Variants in CACNA1I observed in about 807,000 individuals in gnomAD.
CACNA1I encodes the protein calcium voltage-gated channel subunit alpha1 I, also known as voltage-dependent T-type calcium channel subunit alpha-1I.
CACNA1I carries 74 observed loss-of-function variants against 201.6 expected under a neutral mutation model. The observed-to-expected ratio is 0.37, with a 90% CI of 0.30 to 0.45. The LOEUF (loss-of-function observed/expected upper bound fraction) is 0.45, where lower values mean the gene tolerates loss of function less well. CACNA1I is among the 20% of genes least tolerant of loss of function. The pLI, the probability that CACNA1I is intolerant of heterozygous loss-of-function variation, is 1.00. For synonymous variants in CACNA1I, 1,431 were observed against 1,345.2 expected, an observed-to-expected ratio of 1.06 and a Z score of -1.40; for missense variants, 2,346 against 3,138.1, an observed-to-expected ratio of 0.75 and a Z score of 6.03.
At chr22:39,623,290 T>C (rs1293769026) in intron 4 of CACNA1I, among the ~76,000 whole-genome samples, 3 of 152,032 alleles carry the variant, frequency 2.0e-5, no homozygotes, top group Non-Finnish European at 4.4e-5. Context: ...AGTATGTGCC[T>C]GTGAGGTGCG....
chr22:39,637,455 T>C (rs1443443075), intron 5 of CACNA1I, among the ~76,000 whole-genome samples: 2 of 151,958 alleles, frequency 1.3e-5, no homozygotes, highest in Non-Finnish European at 2.9e-5. Flanking sequence ...GGCGTGTGGG[T>C]TAGAAATCGG....
rs545909848 is a variant in CACNA1I, at chr22:39,663,648, C to T, written c.3474-70C>T. 237 of 1,588,866 alleles carry T rather than the reference C, an allele frequency of 1.5e-4. No individual in the cohort carries two copies. The African/African-American group carries it at 2.9e-3, about 20-fold the overall frequency. On this transcript the variant is annotated intron_variant, in intron 18 of 36. Transcript: ENST00000402142. Reference sequence around the variant, plus strand: ...AGCGTGGTCTGCACTGCTGCCTGGGCCCTCTGCCTTCCTTCTGGCCAGGGT... The same window carrying T: ...AGCGTGGTCTGCACTGCTGCCTGGGTCCTCTGCCTTCCTTCTGGCCAGGGT...
chr22:39,610,666 A>T (rs1441295478), intron 3 of CACNA1I, among the ~76,000 whole-genome samples: 1 of 152,166 alleles, frequency 6.6e-6, no homozygotes, highest in Admixed American at 6.5e-5. Context: ...CTGAAAAGCC[A>T]AGAGGTCTCC....
At chr22:39,572,172 G>C (rs2145794527) in intron 1 of CACNA1I, among the ~76,000 whole-genome samples, 1 of 152,258 alleles carries the variant, frequency 6.6e-6, no homozygotes, top group Non-Finnish European at 1.5e-5. Context: ...GCAGGGTCTG[G>C]AGAGATCTGT....
chr22:39,631,485 G>A lies in CACNA1I; in HGVS notation c.581-3080G>A, dbSNP rs1249871847. Among the ~76,000 whole-genome samples, 6 of 152,354 alleles carry A rather than the reference G, an allele frequency of 3.9e-5. No homozygotes were observed. In the East Asian group the frequency reaches 9.6e-4, roughly 24 times the overall value. On this transcript the variant is annotated intron_variant, in intron 4 of 36. Transcript: ENST00000402142. ...AAGCCCATCCTGACAGTGACTGAGC[G>A]CCTTGGGGCAATGAGAGGCAGGAGG... is the stretch of plus-strand genomic sequence containing the variant.
intron 4 of CACNA1I, among the ~76,000 whole-genome samples, chr22:39,627,379 C>T (rs951511763): frequency 3.9e-5 from 6 of 152,200 alleles, no homozygotes; most frequent in African/African-American, 1.4e-4. Context: ...GAGCATCAGC[C>T]GCACAGTCTG....
chr22:39,663,419 C>T (rs1907252129), intron 18 of CACNA1I, among the ~76,000 whole-genome samples: 1 of 152,052 alleles, frequency 6.6e-6, no homozygotes, highest in Non-Finnish European at 1.5e-5. Flanking sequence ...AGGCCTGGGG[C>T]AGAAGCAGAG....
At position 39,686,011 on chromosome 22, in the gene CACNA1I, C is replaced by T; in HGVS notation, c.6278C>T (p.Thr2093Ile). The change falls in exon 37 of 37, where the codon ACC becomes ATC. Residue 2093 changes from threonine to isoleucine, a missense_variant. Physicochemically the swap from Thr to Ile is moderately conservative, Grantham distance 89 (BLOSUM62 -1). This residue lies in a region of CACNA1I where 441 missense variants were observed against 555.6 expected (regional missense o/e 0.79). Transcript: ENST00000402142. The part of the protein sequence containing the change: ...HQRSHSSGGS[T>I]SPGCTHHDSM... ...CGCAGCCACAGCAGCGGGGGCTCCACCAGCCCGGGCTGCACCCACCACGAC... is the reference window on the plus strand; with the variant it reads ...CGCAGCCACAGCAGCGGGGGCTCCATCAGCCCGGGCTGCACCCACCACGAC... The T allele has an allele frequency of 1.6e-6, 2 of 1,244,092 alleles. No homozygotes were observed. Among genetic ancestry groups the T allele is most frequent in the African/African-American group, 1.6e-5 (1 of 63,854 alleles). 77.1% of individuals were successfully genotyped at this position (1,244,092 alleles called of 1,614,324 possible). A position where few individuals can be genotyped will look rare whatever the true frequency, so the allele number is the denominator to read the frequency against.
chr22:39,573,140 G>C (rs1190043916), intron 1 of CACNA1I, among the ~76,000 whole-genome samples: 4 of 152,164 alleles, frequency 2.6e-5, no homozygotes, highest in Admixed American at 6.5e-5. Context: ...TGAGAAGGGG[G>C]CGGCCGCAGG....
At chr22:39,626,335 G>A (rs1933900451) in intron 4 of CACNA1I, among the ~76,000 whole-genome samples, 1 of 152,248 alleles carries the variant, frequency 6.6e-6, no homozygotes, top group Admixed American at 6.5e-5. Context: ...CGATCCGCAG[G>A]TGCTGCTGCT....
rs985946546 is a variant in CACNA1I, at chr22:39,635,340, G to A, written c.740+616G>A. ...GCTCGGGGCTCAGGATGCGGCAGAA[G>A]GGGGGGGGTCCCTGCCCCCTGCCCT... On this transcript the variant is annotated intron_variant, in intron 5 of 36. Transcript: ENST00000402142. Among the ~76,000 whole-genome samples the A allele has an allele frequency of 4.4e-5, 6 of 136,888 alleles. No individual in the cohort carries two copies. The South Asian group carries it at 6.3e-4, about 14-fold the overall frequency. The allele number at this position is 136,888 out of a possible 152,430, so 89.8% of individuals were successfully genotyped here. A position where few individuals can be genotyped will look rare whatever the true frequency, so the allele number is the denominator to read the frequency against.
At chr22:39,655,955 T>C (rs2146440022) in intron 10 of CACNA1I, among the ~76,000 whole-genome samples, 1 of 152,316 alleles carries the variant, frequency 6.6e-6, no homozygotes, top group South Asian at 2.1e-4. Context: ...CTGATCATCA[T>C]CACGGAGTGT....
rs1401231818 is a variant in CACNA1I, at chr22:39,570,842, C to T, written c.90C>T (p.Ser30=). 3.1e-6 allele frequency: 5 copies of T among 1,613,312 alleles called. No homozygotes were observed. Among genetic ancestry groups the T allele is most frequent in the East Asian group, 2.2e-5 (1 of 44,886 alleles). The change falls in exon 1 of 37, where the codon AGC becomes AGT. Residue 30 remains serine, a synonymous_variant. Coordinates refer to ENST00000402142, the MANE Select transcript of CACNA1I (RefSeq NM_021096.4). The stretch of plus-strand genomic sequence containing the variant: ...CCACGGAGCAGCCCGGACCCCGGAG[C>T]CCCCCATCCTCCCCGCCAGGCCTGG... ...GVTTEQPGPR[S]PPSSPPGLEE...
At chr22:39,590,184 A>G (rs1286718310) in intron 1 of CACNA1I, among the ~76,000 whole-genome samples, 1 of 152,214 alleles carries the variant, frequency 6.6e-6, no homozygotes, top group African/African-American at 2.4e-5. Flanking sequence ...GAGCCCCAGC[A>G]TAGTGGCTTC....
In CACNA1I at chr22:39,629,506, G is replaced by A. The variant is rs1199159322; in HGVS notation, c.581-5059G>A. 2.6e-5 allele frequency among the ~76,000 whole-genome samples: 4 copies of A among 151,464 alleles called. No individual in the cohort carries two copies. Among genetic ancestry groups the A allele is most frequent in the South Asian group, 2.1e-4 (1 of 4,790 alleles). On this transcript the variant is annotated intron_variant, in intron 4 of 36. Transcript: ENST00000402142. This position sits in a 1 kb window ranked among gnomAD's most constrained non-coding sequence, Gnocchi z 4.8. The stretch of plus-strand genomic sequence containing the variant: ...TCTGGGCCCAGCCCCACCATCTTCC[G>A]GTTTATCACAATGATGAATGTATGA...
intron 25 of CACNA1I, 45 bp downstream of exon 25, chr22:39,670,275 C>A: frequency 6.3e-7 from 1 of 1,583,854 alleles, no homozygotes; most frequent in South Asian, 1.1e-5. Context: ...AGCTCTAAGC[C>A]CTTCTGCCTG....
chr22:39,600,417 C>T, intron 2 of CACNA1I, 103 bp from the exon 3 acceptor site: 1 of 942,166 alleles, frequency 1.1e-6, no homozygotes, highest in Non-Finnish European at 1.6e-6. Flanking sequence ...TCCCAGGCCC[C>T]TTGCATCCAT....
intron 6 of CACNA1I, among the ~76,000 whole-genome samples, chr22:39,642,518 C>A (rs949830541): frequency 1.2e-4 from 19 of 152,196 alleles, no homozygotes; most frequent in Non-Finnish European, 2.6e-4. Flanking sequence ...GCTTTTCCAG[C>A]CCTCCCGCTG....
Position 39,640,862 on chromosome 22 carries a change from G to T in CACNA1I, c.741-5G>T, listed in dbSNP as rs986321337. 3.0e-5 allele frequency: 48 copies of T among 1,608,534 alleles called. No individual in the cohort carries two copies. Among genetic ancestry groups the T allele is most frequent in the Non-Finnish European group, 4.0e-5 (47 of 1,176,758 alleles). On this transcript the variant is annotated splice_polypyrimidine_tract_variant and splice_region_variant and intron_variant, in intron 5 of 36. Transcript: ENST00000402142. Reference sequence around the variant, plus strand: ...CCTCTTTTACCCACCCTCGCCTGTGGACAGACAAGGGGATGTGGCCTTGCC... The same window carrying T: ...CCTCTTTTACCCACCCTCGCCTGTGTACAGACAAGGGGATGTGGCCTTGCC...
Sources: allele counts gnomAD v4.1 joint callset (sites outside exome capture counted in the v4.1 genomes callset), GRCh38; gene constraint gnomAD v4.1.1; regional missense constraint gnomAD v4.1.1; non-coding constraint Gnocchi (gnomAD v3.1); transcripts MANE v1.5; gene names NCBI Gene and HGNC (gene_info 2026-07-23, HGNC 2026-07-21).